BCAT1: variants seen among roughly 807,000 people sequenced by gnomAD.
BCAT1 encodes branched-chain-amino-acid aminotransferase, cytosolic.
In BCAT1, 48 loss-of-function variants were observed where a neutral mutation model predicts 52.4. The ratio of observed to expected loss-of-function variants is 0.92; its 90% CI spans 0.73 to 1.16. The LOEUF is 1.16. Ranked by LOEUF, BCAT1 falls within the 50% of genes most tolerant of loss-of-function variation. The pLI, the probability that BCAT1 is intolerant of heterozygous loss-of-function variation, is 0.00. For missense variants in BCAT1, 451 were observed against 457.1 expected (o/e 0.99, Z 0.12); for synonymous variants, 167 against 161.3 (o/e 1.04, Z -0.27).
chr12:24,879,993 C>A (rs888753244), intron 4 of BCAT1, among the ~76,000 whole-genome samples: 22 of 152,258 alleles, frequency 1.4e-4, no homozygotes, highest in African/African-American at 5.3e-4. Context: ...AGAAGAAGAG[C>A]GAAACTATGC....
chr12:24,943,022 G>C (rs1943871152), intron 1 of BCAT1, among the ~76,000 whole-genome samples: 1 of 152,180 alleles, frequency 6.6e-6, no homozygotes, highest in Non-Finnish European at 1.5e-5. Context: ...GACTGCAAAG[G>C]CAAGAGCCAA....
chr12:24,902,567 T>C, intron 1 of BCAT1: 1 of 470,130 alleles, frequency 2.1e-6, no homozygotes, highest in Non-Finnish European at 3.1e-6. Context: ...TCAAAATATT[T>C]TGGGGTGGCA....
At chr12:24,937,763 G>T (rs770784115) in intron 1 of BCAT1, among the ~76,000 whole-genome samples, 1 of 152,158 alleles carries the variant, frequency 6.6e-6, no homozygotes, top group Non-Finnish European at 1.5e-5. Context: ...GAAACAAATG[G>T]GGATGAGAAA....
At chr12:24,939,341 T>C (rs1214668913) in intron 1 of BCAT1, among the ~76,000 whole-genome samples, 3 of 152,234 alleles carry the variant, frequency 2.0e-5, no homozygotes, top group Non-Finnish European at 4.4e-5. Flanking sequence ...TGCTGGTCAT[T>C]ATTGTACTAT....
chr12:24,851,090 G>A (rs1046789486), intron 5 of BCAT1, among the ~76,000 whole-genome samples: 3 of 152,080 alleles, frequency 2.0e-5, no homozygotes, highest in Non-Finnish European at 2.9e-5. Context: ...GAGACCCAAC[G>A]TTTTGAAGGC....
chr12:24,937,161 G>A (rs1943771021), intron 1 of BCAT1, among the ~76,000 whole-genome samples: 1 of 152,194 alleles, frequency 6.6e-6, no homozygotes, highest in African/African-American at 2.4e-5. Context: ...TACAAGTTGA[G>A]ATGAGGGCAC....
chr12:24,875,933 G>A (rs1271778442), intron 5 of BCAT1, among the ~76,000 whole-genome samples: 1 of 152,112 alleles, frequency 6.6e-6, no homozygotes, highest in Non-Finnish European at 1.5e-5. Flanking sequence ...AGGTGAAAAT[G>A]CATTTAATAT....
chr12:24,929,328 G>A lies in BCAT1; in HGVS notation c.6+19599C>T, dbSNP rs118020160. ...GATTCTGACCCTTTTGATTATTTTA[G>A]GTTGGCACATCCAACAGAAATGGGG... On this transcript the variant is annotated intron_variant, in intron 1 of 10. Coordinates refer to ENST00000261192, the MANE Select transcript of BCAT1 (RefSeq NM_005504.7). 2.8e-3 allele frequency among the ~76,000 whole-genome samples: 430 copies of A among 152,150 alleles called. 1 individual carries two copies. The highest frequency in any genetic ancestry group is 4.9e-3 in the Non-Finnish European group (332 of 68,010).
chr12:24,910,378 AAAATAAATAAATAAAT>A (rs57340584), intron 1 of BCAT1, among the ~76,000 whole-genome samples: 76 of 146,214 alleles, frequency 5.2e-4, no homozygotes, highest in South Asian at 2.5e-3. Context: ...CTCTGTCTCA[AAAATAAATAAATAAAT>A]AAATAAATAA....
intron 1 of BCAT1, among the ~76,000 whole-genome samples, chr12:24,905,508 G>A (rs1169244130): frequency 6.6e-6 from 1 of 152,140 alleles, no homozygotes; most frequent in African/African-American, 2.4e-5. Context: ...ATGAAACAAT[G>A]TAAGACCCAA....
chr12:24,821,704 G>A (rs1940136754), intron 10 of BCAT1, among the ~76,000 whole-genome samples: 1 of 152,078 alleles, frequency 6.6e-6, no homozygotes, highest in Non-Finnish European at 1.5e-5. Context: ...GAACACTGGA[G>A]GTATAAAGAG....
rs1940173029 is a variant in BCAT1 at position 24,822,328 on chromosome 12, A to G, written c.1120-4279T>C. Among the ~76,000 whole-genome samples the G allele has an allele frequency of 2.0e-5, 3 of 152,334 alleles. 1 individual carries two copies. In the South Asian group the frequency reaches 6.2e-4, roughly 32 times the overall value. ...TATTACTCATATGCAGAAGTACAGA[A>G]GTTGAAAAGTCAAATCTGTGGTTAT... On this transcript the variant is annotated intron_variant, in intron 10 of 10. Transcript: ENST00000261192.
chr12:24,833,073 A>G (rs1002816983), intron 8 of BCAT1, among the ~76,000 whole-genome samples: 1 of 152,222 alleles, frequency 6.6e-6, no homozygotes, highest in Non-Finnish European at 1.5e-5. Context: ...TTTATATATG[A>G]GATTATCAGA....
At chr12:24,834,283 A>G (rs998203578) in intron 8 of BCAT1, 94 of 985,244 alleles carry the variant, frequency 9.5e-5, no homozygotes, top group Non-Finnish European at 1.0e-4. Context: ...TACAGTGACA[A>G]TTCTCTTCCT....
intron 2 of BCAT1, among the ~76,000 whole-genome samples, chr12:24,897,214 A>G (rs1465042851): frequency 1.3e-5 from 2 of 152,238 alleles, no homozygotes; most frequent in Non-Finnish European, 2.9e-5. Flanking sequence ...GACAAGAATG[A>G]TTATGATCCA....
At chr12:24,943,696 A>G (rs980164344) in intron 1 of BCAT1, among the ~76,000 whole-genome samples, 4 of 152,126 alleles carry the variant, frequency 2.6e-5, no homozygotes, top group South Asian at 2.1e-4. Flanking sequence ...CAGTTAAAGT[A>G]GTTTGAGGCC....
At chr12:24,910,762 A>G (rs1302658855) in intron 1 of BCAT1, among the ~76,000 whole-genome samples, 1 of 152,194 alleles carries the variant, frequency 6.6e-6, no homozygotes, top group East Asian at 1.9e-4. Flanking sequence ...GTTCCGATGA[A>G]ATCATTGTTG....
intron 9 of BCAT1, chr12:24,830,788 A>G (rs908154904): frequency 6.6e-6 from 1 of 152,176 alleles, no homozygotes; most frequent in Non-Finnish European, 1.5e-5. Flanking sequence ...ATTCTTATCA[A>G]TGTAAGTATT....
At chr12:24,923,749 A>C (rs1259950722) in intron 1 of BCAT1, among the ~76,000 whole-genome samples, 1 of 152,136 alleles carries the variant, frequency 6.6e-6, no homozygotes, top group Non-Finnish European at 1.5e-5. Context: ...AGAGAACCAA[A>C]CTGAGTATCA....
Sources: gnomAD v4.1 joint callset for allele counts (sites outside exome capture counted in the v4.1 genomes callset) on GRCh38, gnomAD v4.1.1 for gene constraint, MANE v1.5 for transcripts, NCBI Gene and HGNC (gene_info 2026-07-23, HGNC 2026-07-21) for gene names.